LCT: variants seen among roughly 807,000 people sequenced by gnomAD.
LCT encodes lactase/phlorizin hydrolase.
LCT carries 90 observed loss-of-function variants against 173.0 expected under a neutral mutation model. The ratio of observed to expected loss-of-function variants is 0.52; its 90% CI spans 0.44 to 0.62. The LOEUF (loss-of-function observed/expected upper bound fraction) is 0.62, where lower values mean the gene tolerates loss of function less well. Among genes scored for constraint, LCT ranks in the 20% least tolerant of loss-of-function variants. The pLI is 0.00. For synonymous variants in LCT, 853 were observed against 957.6 expected (o/e 0.89, Z 2.02); for missense variants, 1,864 against 2,431.4 (o/e 0.77, Z 4.91).
At chr2:135,829,055 T>C (rs2077910840) in intron 3 of LCT, among the ~76,000 whole-genome samples, 1 of 151,670 alleles carries the variant, frequency 6.6e-6, no homozygotes, top group African/African-American at 2.4e-5. Context: ...GCCAGGCGTG[T>C]TTGTGTGTTC....
At position 135,798,604 on chromosome 2, in the gene LCT, G is replaced by A. The variant is rs147500158; in HGVS notation, c.4867-466C>T. 1.7e-4 allele frequency among the ~76,000 whole-genome samples: 26 copies of A among 152,312 alleles called. No individual in the cohort carries two copies. The East Asian group carries it at 2.7e-3, about 16-fold the overall frequency. On this transcript the variant is annotated intron_variant, in intron 12 of 16. Coordinates refer to ENST00000264162, the MANE Select transcript of LCT (RefSeq NM_002299.4). Reference sequence around the variant, plus strand: ...AAATGCAAGGCTTTCCTGACTTTCCGGGCAAAGTATAACTCTTAATGGGCT... The same window carrying A: ...AAATGCAAGGCTTTCCTGACTTTCCAGGCAAAGTATAACTCTTAATGGGCT...
At chr2:135,812,212 A>T in intron 7 of LCT, 99 bp downstream of exon 7, 1 of 1,024,096 alleles carries the variant, frequency 9.8e-7, no homozygotes, top group Non-Finnish European at 1.5e-6. Context: ...CTTTGGCTCC[A>T]TTTCTCTAGG....
Position 135,804,804 on chromosome 2 carries a change from A to G in LCT, c.4427T>C (p.Leu1476Pro), listed in dbSNP as rs771779635. 1 of 1,613,394 alleles carries G rather than the reference A, an allele frequency of 6.2e-7. No individual in the cohort carries two copies. Among genetic ancestry groups the G allele is most frequent in the Non-Finnish European group, 8.5e-7 (1 of 1,180,038 alleles). ...GCTGGCGGCCAGCAGTGTATCGATG[A>G]GCCTCACGTAGTAGTTCAGGCCCGC... ...NEAGLNYYVR[L>P]IDTLLAASIQ... Residue 1476 changes from leucine to proline, a missense_variant, in exon 10 of 17, where the codon CTC becomes CCC. Leu to Pro is a moderately conservative substitution (Grantham distance 98). Transcript: ENST00000264162.
intron 8 of LCT, among the ~76,000 whole-genome samples, chr2:135,807,996 G>A (rs2077692181): frequency 6.6e-6 from 1 of 150,536 alleles, no homozygotes; most frequent in South Asian, 2.1e-4. Flanking sequence ...CGGGCACGGT[G>A]GCCACTGCAC....
chr2:135,836,005 T>TATATATATATAC (rs1558748623), intron 1 of LCT, among the ~76,000 whole-genome samples: 1 of 18,394 alleles, frequency 5.4e-5, no homozygotes, highest in African/African-American at 8.3e-5. Flanking sequence ...TATATATATA[T>TATATATATATAC]ATATATATAT....
chr2:135,807,513 C>A (rs2077687167), intron 8 of LCT, 117 bp from the exon 9 acceptor site: 2 of 898,166 alleles, frequency 2.2e-6, no homozygotes, highest in African/African-American at 1.6e-5. Flanking sequence ...GTGACATACA[C>A]CCTGAGAGAC....
Position 135,817,565 on chromosome 2 carries a change from G to T in LCT, c.1483C>A (p.Leu495Met), listed in dbSNP as rs1375851807. The change falls in exon 6 of 17, where the codon CTG (leucine) becomes ATG (methionine). Residue 495 changes from leucine (L) to methionine (M), a missense_variant. Leu to Met is a conservative substitution (Grantham distance 15). Coordinates refer to ENST00000264162, the MANE Select transcript of LCT (RefSeq NM_002299.4). ...GCCTGAGGCAGGTCCCAGTGGAACA[G>T]CGTGGCCATGGGCTCGATGCCCGCA... is the stretch of plus-strand genomic sequence containing the variant. Reference protein sequence around the residue: ...QDAGIEPMATLFHWDLPQALQ... With the variant: ...QDAGIEPMATMFHWDLPQALQ... 2 of 1,614,068 alleles carry T rather than the reference G, an allele frequency of 1.2e-6. No homozygotes were observed. The highest frequency in any genetic ancestry group is 1.7e-5 in the Admixed American group (1 of 60,012).
At chr2:135,791,118 A>G (rs961282934) in intron 14 of LCT, among the ~76,000 whole-genome samples, 5 of 152,218 alleles carry the variant, frequency 3.3e-5, no homozygotes, top group African/African-American at 4.8e-5. Context: ...CCGTCCTTCA[A>G]TTTCTCTGCC....
chr2:135,833,122 C>T lies in LCT; in HGVS notation c.709G>A (p.Ala237Thr), dbSNP rs1158519677. ...TGGGCTGCTGTCACCTGGGCAAGCG[C>T]AGATATGGGTGGTTCTAGCAGGAGC... Reference protein sequence around the residue: ...PELLLEPPISALAQDTVDFLS... With the variant: ...PELLLEPPISTLAQDTVDFLS... The change falls in exon 2 of 17, where the codon GCG (alanine) becomes ACG (threonine). Residue 237 changes from alanine (A) to threonine (T), a missense_variant. Ala to Thr is a moderately conservative substitution (Grantham distance 58, BLOSUM62 0). This residue lies in a region of LCT where 412 missense variants were observed against 462.0 expected (regional missense o/e 0.89). Transcript: ENST00000264162. 3 of 1,613,652 alleles carry T rather than the reference C, an allele frequency of 1.9e-6. No individual in the cohort carries two copies. Among genetic ancestry groups the T allele is most frequent in the Non-Finnish European group, 2.5e-6 (3 of 1,179,686 alleles).
At chr2:135,801,932 C>T (rs2077630986) in intron 11 of LCT, among the ~76,000 whole-genome samples, 1 of 152,000 alleles carries the variant, frequency 6.6e-6, no homozygotes, top group Admixed American at 6.5e-5. Context: ...GCAGTGGTGC[C>T]ATGAGCATGG....
rs756196797 is a variant in LCT at position 135,817,790 on chromosome 2, T to A, written c.1258A>T (p.Thr420Ser). ...IWDPRRPLNT[T>S]EGQATLEVAS... ...ACCTCCAGCGTCGCTTGGCCCTCAG[T>A]GGTGTTCAGGGGCCTGCGTGGATCC... The change falls in exon 6 of 17, where the codon ACT becomes TCT. Residue 420 changes from threonine (T) to serine (S), a missense_variant. By Grantham distance (58) the Thr-to-Ser change is moderately conservative. Coordinates refer to ENST00000264162, the MANE Select transcript of LCT (RefSeq NM_002299.4). 1 of 1,613,850 alleles carries A rather than the reference T, an allele frequency of 6.2e-7. No individual in the cohort carries two copies. Among genetic ancestry groups the A allele is most frequent in the African/African-American group, 1.3e-5 (1 of 74,924 alleles).
chr2:135,813,307 C>T (rs2077751347), intron 6 of LCT, among the ~76,000 whole-genome samples: 1 of 152,120 alleles, frequency 6.6e-6, no homozygotes, highest in Non-Finnish European at 1.5e-5. Flanking sequence ...TTGATGTCAA[C>T]AACATCAATA....
intron 13 of LCT, among the ~76,000 whole-genome samples, chr2:135,796,827 G>A (rs1359685488): frequency 2.6e-5 from 4 of 152,184 alleles, no homozygotes; most frequent in Non-Finnish European, 4.4e-5. Context: ...GATGGGCCGG[G>A]CGCTCATCGG....
At chr2:135,835,595 A>G (rs2077981977) in intron 1 of LCT, among the ~76,000 whole-genome samples, 1 of 147,392 alleles carries the variant, frequency 6.8e-6, no homozygotes, top group Admixed American at 6.8e-5. Flanking sequence ...AGCATATATA[A>G]TCCAAAATTG....
chr2:135,802,567 C>T (rs140365303), intron 11 of LCT, among the ~76,000 whole-genome samples: 58 of 152,252 alleles, frequency 3.8e-4, no homozygotes, highest in African/African-American at 1.3e-3. Context: ...GTGACAACAT[C>T]GCTGGAACTG....
At chr2:135,795,604 C>CTAATAATTATAATAATAATAATAATAA (rs57023267) in intron 13 of LCT, among the ~76,000 whole-genome samples, 3 of 146,050 alleles carry the variant, frequency 2.1e-5, no homozygotes, top group African/African-American at 2.5e-5. Context: ...TTCTCCAACT[C>CTAATAATTATAATAATAATAATAATAA]TAATAATAAT....
Position 135,812,802 on chromosome 2 carries a change from T to A in LCT, c.1862A>T (p.Glu621Val). 2 of 1,614,150 alleles carry A rather than the reference T, an allele frequency of 1.2e-6. No individual in the cohort carries two copies. The highest frequency in any genetic ancestry group is 1.7e-6 in the Non-Finnish European group (2 of 1,180,038). ...PERPEDLRASERFLHFMLGWF... is the reference protein window; with the variant it reads ...PERPEDLRASVRFLHFMLGWF... ...GCCCAGCATGAAGTGCAAGAAGCGC[T>A]CAGAGGCTCTCAGGTCCTCAGGCCT... The change falls in exon 7 of 17, where the codon GAG becomes GTG. Residue 621 changes from glutamate to valine, a missense_variant. Glu to Val is a moderately radical substitution (Grantham distance 121, BLOSUM62 -2). Transcript: ENST00000264162.
At chr2:135,821,647 A>T (rs1285603715) in intron 5 of LCT, 1 of 277,710 alleles carries the variant, frequency 3.6e-6, no homozygotes, top group East Asian at 9.6e-5. Context: ...TGCCTGGCTA[A>T]TTTTTGTATT....
In LCT at chr2:135,823,858, C is replaced by T. The variant is rs897338454; in HGVS notation, c.907+43G>A. The stretch of plus-strand genomic sequence containing the variant: ...AAGACTGCTACCTAGCACACCAGTG[C>T]ACCAGATGTCACTCAAAACCTCTTC... On this transcript the variant is annotated intron_variant, in intron 4 of 16. Coordinates refer to ENST00000264162, the MANE Select transcript of LCT (RefSeq NM_002299.4). The T allele has an allele frequency of 5.5e-6, 7 of 1,272,934 alleles. No homozygotes were observed. The South Asian group carries it at 5.9e-5, about 11-fold the overall frequency. The allele number at this position is 1,272,934 out of a possible 1,614,324, so 78.9% of individuals were successfully genotyped here.
Sources: gnomAD v4.1 joint callset for allele counts (sites outside exome capture counted in the v4.1 genomes callset) on GRCh38, gnomAD v4.1.1 for gene constraint, gnomAD v4.1.1 regional missense constraint, MANE v1.5 for transcripts, NCBI Gene and HGNC (gene_info 2026-07-23, HGNC 2026-07-21) for gene names.